Variants in SDK1 observed in about 807,000 individuals in gnomAD.
The protein encoded by SDK1 is protein sidekick-1.
A neutral mutation model predicts 245.5 loss-of-function variants in SDK1; 157 were observed. The observed-to-expected ratio is 0.64, with a 90% CI of 0.56 to 0.73. SDK1 has a LOEUF of 0.73. Ranked by LOEUF, SDK1 falls within the 30% of genes least tolerant of loss-of-function variation. The pLI is 0.00. For synonymous variants in SDK1, 1,647 were observed against 1,278.5 expected (o/e 1.29, Z -6.15); for missense variants, 3,583 against 3,002.3 (o/e 1.19, Z -4.52).
intron 1 of SDK1, among the ~76,000 whole-genome samples, chr7:3,543,140 T>C (rs1224026477): frequency 6.6e-6 from 1 of 152,372 alleles, no homozygotes; most frequent in East Asian, 1.9e-4. Context: ...ACGGAGGTTA[T>C]GCATCATTTC....
At chr7:3,640,338 A>G (rs1478902014) in intron 3 of SDK1, among the ~76,000 whole-genome samples, 2 of 152,350 alleles carry the variant, frequency 1.3e-5, no homozygotes, top group South Asian at 2.1e-4. Context: ...TTTAACCCCA[A>G]TTAAGTCTTG....
intron 1 of SDK1, among the ~76,000 whole-genome samples, chr7:3,373,656 G>A (rs116157772): frequency 0.02 from 3,039 of 151,084 alleles, 102 homozygotes; most frequent in African/African-American, 0.063. Flanking sequence ...TTGGATGTGC[G>A]ATACTTTACT....
chr7:3,768,549 A>G (rs1242804980), intron 4 of SDK1, among the ~76,000 whole-genome samples: 1 of 152,232 alleles, frequency 6.6e-6, no homozygotes, highest in African/African-American at 2.4e-5. Flanking sequence ...TGGATAGTGC[A>G]GGCATGTGCT....
chr7:4,091,334 C>CTTTTCT (rs1259034611), intron 22 of SDK1, among the ~76,000 whole-genome samples: 2 of 108,216 alleles, frequency 1.8e-5, no homozygotes, highest in Non-Finnish European at 3.5e-5. Context: ...CTTTTCTTTT[C>CTTTTCT]TTTTTTTTTT....
At chr7:4,150,519 C>T (rs2128208414) in intron 30 of SDK1, among the ~76,000 whole-genome samples, 1 of 152,356 alleles carries the variant, frequency 6.6e-6, no homozygotes, top group East Asian at 1.9e-4. Context: ...TCCCACTCTA[C>T]AGAGGAAGGC....
chr7:4,221,732 G>A (rs928298398), intron 40 of SDK1, among the ~76,000 whole-genome samples: 1 of 152,174 alleles, frequency 6.6e-6, no homozygotes, highest in Non-Finnish European at 1.5e-5. Context: ...AATGTTTGCT[G>A]CCGAGATGGA....
At chr7:4,240,661 C>T (rs1000373230) in intron 42 of SDK1, among the ~76,000 whole-genome samples, 1 of 152,164 alleles carries the variant, frequency 6.6e-6, no homozygotes, top group African/African-American at 2.4e-5. Context: ...TGTGTGTAGG[C>T]GCTGTCCTGG....
In SDK1 at chr7:3,971,485, C is replaced by T; in HGVS notation, c.1734C>T (p.His578=). ...TTTCAGATCGGACGTCCATCGTCCACCCTCCTGAGGACCACGTGGTGATTA... is the reference window on the plus strand; with the variant it reads ...TTTCAGATCGGACGTCCATCGTCCATCCTCCTGAGGACCACGTGGTGATTA... ...LTVWNRTSIV[H]PPEDHVVIKG... The change falls in exon 12 of 45, where the codon CAC becomes CAT. Residue 578 remains histidine, a synonymous_variant. Coordinates refer to ENST00000404826, the MANE Select transcript of SDK1 (RefSeq NM_152744.4). 2 of 1,613,052 alleles carry T rather than the reference C, an allele frequency of 1.2e-6. No individual in the cohort carries two copies. The highest frequency in any genetic ancestry group is 1.7e-6 in the Non-Finnish European group (2 of 1,179,302).
At chr7:3,387,149 G>A (rs1441955857) in intron 1 of SDK1, among the ~76,000 whole-genome samples, 2 of 152,116 alleles carry the variant, frequency 1.3e-5, no homozygotes, top group African/African-American at 2.4e-5. Flanking sequence ...TTTCAGGCCC[G>A]ACTCATACCC....
At chr7:4,067,219 C>A (rs901537563) in intron 19 of SDK1, among the ~76,000 whole-genome samples, 20 of 152,346 alleles carry the variant, frequency 1.3e-4, no homozygotes, top group African/African-American at 4.6e-4. Flanking sequence ...CGCCAGCGTT[C>A]AAGCGTAACT....
chr7:3,789,553 A>G (rs1781016507), intron 4 of SDK1, among the ~76,000 whole-genome samples: 1 of 152,206 alleles, frequency 6.6e-6, no homozygotes, highest in South Asian at 2.1e-4. Flanking sequence ...TTTTAGAAAC[A>G]TTGGTCACGT....
chr7:3,418,167 A>AAAAAAAAAAAAAAAAAG (rs1310914103), intron 1 of SDK1, among the ~76,000 whole-genome samples: 1 of 139,226 alleles, frequency 7.2e-6, no homozygotes, highest in African/African-American at 2.5e-5. Flanking sequence ...AAAAAAAAAA[A>AAAAAAAAAAAAAAAAAG]ATAGCTGAGC....
At chr7:3,467,445 T>C (rs552945856) in intron 1 of SDK1, among the ~76,000 whole-genome samples, 45 of 152,140 alleles carry the variant, frequency 3.0e-4, no homozygotes, top group African/African-American at 1.1e-3. Context: ...ATAAAAAATA[T>C]ACAAAAAGTA....
At position 3,984,843 on chromosome 7, in the gene SDK1, A is replaced by C. The variant is rs1358511590; in HGVS notation, c.1995-2343A>C. Among the ~76,000 whole-genome samples the C allele has an allele frequency of 3.3e-5, 5 of 152,298 alleles. No individual in the cohort carries two copies. In the East Asian group the frequency reaches 9.7e-4, roughly 29 times the overall value. ...CTTGGGGTCCCAGAACCAATGTCAA[A>C]AAGACATCCCAGAAATTGTGAACAT... On this transcript the variant is annotated intron_variant, in intron 13 of 44. Coordinates refer to ENST00000404826, the MANE Select transcript of SDK1 (RefSeq NM_152744.4).
chr7:3,551,698 C>T (rs1779419220), intron 1 of SDK1, among the ~76,000 whole-genome samples: 1 of 152,000 alleles, frequency 6.6e-6, no homozygotes, highest in Non-Finnish European at 1.5e-5. Context: ...TATTTACAGA[C>T]AGGCTCTCAG....
At chr7:3,775,670 G>C (rs778411841) in intron 4 of SDK1, among the ~76,000 whole-genome samples, 1 of 150,810 alleles carries the variant, frequency 6.6e-6, no homozygotes, top group Non-Finnish European at 1.5e-5. Flanking sequence ...TCTGCTTCCC[G>C]GGTTCACGCC....
intron 5 of SDK1, among the ~76,000 whole-genome samples, chr7:3,827,266 T>G (rs548004583): frequency 1.3e-5 from 2 of 152,294 alleles, no homozygotes; most frequent in South Asian, 4.1e-4. Flanking sequence ...TAGGCAGGCA[T>G]GTAAAATTTC....
chr7:3,883,534 C>G (rs1267640106), intron 5 of SDK1, among the ~76,000 whole-genome samples: 1 of 152,196 alleles, frequency 6.6e-6, no homozygotes, highest in African/African-American at 2.4e-5. Flanking sequence ...AGAAATTCAT[C>G]CAGTAACCAG....
chr7:3,699,840 A>G (rs879942403), intron 4 of SDK1, among the ~76,000 whole-genome samples: 53 of 152,206 alleles, frequency 3.5e-4, no homozygotes, highest in Non-Finnish European at 3.7e-4. Context: ...TTTAAAACAC[A>G]TAACCTTTCA....
Sources: allele counts gnomAD v4.1 joint callset (sites outside exome capture counted in the v4.1 genomes callset), GRCh38; gene constraint gnomAD v4.1.1; transcripts MANE v1.5; gene names NCBI Gene and HGNC (gene_info 2026-07-23, HGNC 2026-07-21).